Variants in ADARB2 observed in about 807,000 individuals in gnomAD.
ADARB2 encodes adenosine deaminase RNA specific B2 (inactive).
Under a neutral mutation model 62.2 loss-of-function variants are expected in ADARB2, and 25 were observed. The observed-to-expected ratio is 0.40, with a 90% confidence interval of 0.29 to 0.56. The LOEUF is 0.56. Among genes scored for constraint, ADARB2 ranks in the 20% least tolerant of loss-of-function variants. The pLI, the probability that ADARB2 is intolerant of heterozygous loss-of-function variation, is 0.43. For missense variants in ADARB2, 1,071 were observed against 1,077.4 expected (o/e 0.99, Z 0.08); for synonymous variants, 572 against 500.8 (o/e 1.14, Z -1.90).
intron 1 of ADARB2, among the ~76,000 whole-genome samples, chr10:1,633,814 GC>G (rs921904929): frequency 3.9e-5 from 6 of 152,168 alleles, no homozygotes; most frequent in African/African-American, 1.4e-4. Flanking sequence ...GTTTGAGCAG[GC>G]CCAGGGACTC....
chr10:1,267,475 G>C (rs1831216278), intron 4 of ADARB2, among the ~76,000 whole-genome samples: 1 of 152,180 alleles, frequency 6.6e-6, no homozygotes, highest in Admixed American at 6.5e-5. Context: ...GCAGGACGCC[G>C]GGTCTGCAGA....
chr10:1,608,919 C>T (rs935931191), intron 1 of ADARB2, among the ~76,000 whole-genome samples: 4 of 152,142 alleles, frequency 2.6e-5, no homozygotes, highest in Admixed American at 2.6e-4. Context: ...TGCAGGGTGC[C>T]GGATGGCCAT....
chr10:1,245,737 C>T (rs910474072), intron 4 of ADARB2, among the ~76,000 whole-genome samples: 4 of 152,190 alleles, frequency 2.6e-5, no homozygotes, highest in African/African-American at 9.7e-5. Context: ...CAGTCTATCA[C>T]TGATGGACAT....
intron 7 of ADARB2, among the ~76,000 whole-genome samples, chr10:1,202,916 C>T (rs536780549): frequency 2.6e-5 from 4 of 152,314 alleles, no homozygotes; most frequent in South Asian, 2.1e-4. Context: ...GCAGGACCGT[C>T]GGAAGACAAA....
At chr10:1,202,758 G>A (rs1482898824) in intron 7 of ADARB2, among the ~76,000 whole-genome samples, 2 of 152,158 alleles carry the variant, frequency 1.3e-5, no homozygotes, top group Non-Finnish European at 2.9e-5. Context: ...GTACATTTCC[G>A]CCATCTGTAA....
At chr10:1,344,718 T>C (rs1048603015) in intron 3 of ADARB2, among the ~76,000 whole-genome samples, 6 of 152,128 alleles carry the variant, frequency 3.9e-5, no homozygotes, top group Non-Finnish European at 8.8e-5. Flanking sequence ...GACATGGCTG[T>C]GACTTCTGGG....
At chr10:1,211,502 A>G (rs911348905) in intron 7 of ADARB2, among the ~76,000 whole-genome samples, 1 of 152,158 alleles carries the variant, frequency 6.6e-6, no homozygotes, top group Non-Finnish European at 1.5e-5. Flanking sequence ...AGAAGCTTAG[A>G]GTTTGGTGGG....
chr10:1,687,931 G>A (rs750490874), intron 1 of ADARB2, among the ~76,000 whole-genome samples: 4 of 152,184 alleles, frequency 2.6e-5, no homozygotes, highest in African/African-American at 4.8e-5. Flanking sequence ...CAGTTGAAAT[G>A]TTTGCTTGTC....
chr10:1,365,219 CT>C (rs1185797303), intron 2 of ADARB2, among the ~76,000 whole-genome samples: 1 of 152,120 alleles, frequency 6.6e-6, no homozygotes, highest in African/African-American at 2.4e-5. Flanking sequence ...ATTATTATAT[CT>C]GTTATGGTGC....
At position 1,595,429 on chromosome 10, in the gene ADARB2, C is replaced by T. The variant is rs536856012; in HGVS notation, c.100+141622G>A. Among the ~76,000 whole-genome samples, 13 of 152,236 alleles carry T rather than the reference C, an allele frequency of 8.5e-5. No individual in the cohort carries two copies. The South Asian group carries it at 1.0e-3, about 12-fold the overall frequency. On this transcript the variant is annotated intron_variant, in intron 1 of 9. Transcript: ENST00000381312. The stretch of plus-strand genomic sequence containing the variant: ...CTCACCCCAGGGCACTGGCTAAGGA[C>T]GTTCAGAAGGATCAACACATCAATA...
intron 7 of ADARB2, among the ~76,000 whole-genome samples, chr10:1,214,669 C>T (rs1837209016): frequency 6.6e-6 from 1 of 152,224 alleles, no homozygotes; most frequent in Admixed American, 6.5e-5. Context: ...TTTTCTGGGG[C>T]ACCAGAGAGT....
intron 1 of ADARB2, among the ~76,000 whole-genome samples, chr10:1,565,719 A>C (rs1023918155): frequency 6.6e-6 from 1 of 152,162 alleles, no homozygotes; most frequent in Non-Finnish European, 1.5e-5. Context: ...CCGGCTGACT[A>C]TACACTGTGT....
In ADARB2 at chr10:1,379,225, T is replaced by A. The variant is rs956399783; in HGVS notation, c.101-65A>T. 9 of 1,319,164 alleles carry A rather than the reference T, an allele frequency of 6.8e-6. No homozygotes were observed. In the African/African-American group the frequency reaches 8.7e-5, roughly 13 times the overall value. 81.7% of individuals were successfully genotyped at this position (1,319,164 alleles called of 1,614,324 possible). A position where few individuals can be genotyped will look rare whatever the true frequency, so the allele number is the denominator to read the frequency against. Reference sequence around the variant, plus strand: ...GTTGCGGAAAAACTCAATGCTTTTATAAGTTCTTATTACTGAATGTTGGAC... The same window carrying A: ...GTTGCGGAAAAACTCAATGCTTTTAAAAGTTCTTATTACTGAATGTTGGAC... On this transcript the variant is annotated intron_variant, in intron 1 of 9. Coordinates refer to ENST00000381312, the MANE Select transcript of ADARB2 (RefSeq NM_018702.4).
chr10:1,512,482 GC>G (rs1248490715), intron 1 of ADARB2, among the ~76,000 whole-genome samples: 9 of 152,208 alleles, frequency 5.9e-5, no homozygotes, highest in Admixed American at 6.5e-5. Flanking sequence ...TTTCACGTTG[GC>G]CATCTAATCC....
chr10:1,220,113 G>A lies in ADARB2; in HGVS notation c.1514-2994C>T, dbSNP rs369352167. On this transcript the variant is annotated intron_variant, in intron 6 of 9. Coordinates refer to ENST00000381312, the MANE Select transcript of ADARB2 (RefSeq NM_018702.4). Reference sequence around the variant, plus strand: ...TAATGGTGATGGTGGTGGTGGTGATGATGGTGATGATGGTGAAGATAATGA... The same window carrying A: ...TAATGGTGATGGTGGTGGTGGTGATAATGGTGATGATGGTGAAGATAATGA... Among the ~76,000 whole-genome samples the A allele has an allele frequency of 3.9e-4, 57 of 147,640 alleles. 1 individual carries two copies. The East Asian group carries it at 6.1e-3, about 16-fold the overall frequency.
chr10:1,444,035 A>G (rs1017634481), intron 1 of ADARB2, among the ~76,000 whole-genome samples: 2 of 150,006 alleles, frequency 1.3e-5, no homozygotes, highest in Admixed American at 1.3e-4. Context: ...CCATCCATCC[A>G]TCCATCTATC....
At chr10:1,290,139 A>C (rs1194735387) in intron 3 of ADARB2, 1 of 152,286 alleles carries the variant, frequency 6.6e-6, no homozygotes, top group African/African-American at 2.4e-5. Flanking sequence ...GGACTGAGTC[A>C]TACGAGGCTG....
At chr10:1,209,165 C>T (rs1837108620) in intron 7 of ADARB2, among the ~76,000 whole-genome samples, 2 of 152,130 alleles carry the variant, frequency 1.3e-5, no homozygotes, top group Admixed American at 6.5e-5. Flanking sequence ...ATCCCCAGAG[C>T]AACGCTGAGG....
intron 1 of ADARB2, among the ~76,000 whole-genome samples, chr10:1,572,877 G>A (rs143851586): frequency 7.7e-4 from 117 of 152,300 alleles, no homozygotes; most frequent in Non-Finnish European, 4.9e-4. Context: ...CTGCACCCAC[G>A]TACAGCGTTT....
Sources: gnomAD v4.1 joint callset for allele counts (sites outside exome capture counted in the v4.1 genomes callset) on GRCh38, gnomAD v4.1.1 for gene constraint, MANE v1.5 for transcripts, NCBI Gene and HGNC (gene_info 2026-07-23, HGNC 2026-07-21) for gene names.